The following HDAC9 variants were observed in gnomAD, a reference collection of about 807,000 sequenced individuals.
HDAC9 encodes histone deacetylase 9.
Under a neutral mutation model 139.4 loss-of-function variants are expected in HDAC9, and 41 were observed. The ratio of observed to expected loss-of-function variants is 0.29; its 90% confidence interval spans 0.23 to 0.38. The LOEUF (loss-of-function observed/expected upper bound fraction) is 0.38. HDAC9 is among the 10% of genes least tolerant of loss of function. HDAC9 has a pLI of 1.00. For synonymous variants in HDAC9, 517 were observed against 476.2 expected, an observed-to-expected ratio of 1.09 and a Z score of -1.12; for missense variants, 1,147 against 1,297.0, an observed-to-expected ratio of 0.88 and a Z score of 1.78.
intron 6 of HDAC9, among the ~76,000 whole-genome samples, chr7:18,611,611 A>G (rs1204167832): frequency 6.6e-6 from 1 of 152,134 alleles, no homozygotes; most frequent in East Asian, 1.9e-4. Context: ...TTGTTTCAGA[A>G]TCTGGTCTCT....
At position 18,997,106 on chromosome 7, in the gene HDAC9, A is replaced by C. The variant is rs1296432254; in HGVS notation, c.*1044A>C. On this transcript the variant is annotated 3_prime_UTR_variant, in exon 26 of 26. Coordinates refer to ENST00000686413, the MANE Select transcript of HDAC9 (RefSeq NM_178425.4). ...TATTACTTGAGGGCCTTGACTATTT[A>C]GTTTATTTTGTTTACTTTACAGGTT... 6.6e-6 allele frequency: 1 copy of C among 152,062 alleles called. No homozygotes were observed. Among genetic ancestry groups the C allele is most frequent in the Non-Finnish European group, 1.5e-5 (1 of 68,004 alleles). 9.4% of individuals were successfully genotyped at this position (152,062 alleles called of 1,614,324 possible).
intron 2 of HDAC9, among the ~76,000 whole-genome samples, chr7:18,566,418 G>A (rs991450867): frequency 6.6e-6 from 1 of 152,134 alleles, no homozygotes; most frequent in African/African-American, 2.4e-5. Context: ...TATGTATGGT[G>A]GTTATTGATT....
chr7:18,431,860 T>C (rs1438794735), intron 1 of HDAC9, among the ~76,000 whole-genome samples: 1 of 152,200 alleles, frequency 6.6e-6, no homozygotes, highest in Non-Finnish European at 1.5e-5. Context: ...ATTCAGCATT[T>C]ATTGAGAACT....
chr7:18,240,012 C>T (rs996343831), intron 2 of HDAC9, among the ~76,000 whole-genome samples: 4 of 143,204 alleles, frequency 2.8e-5, no homozygotes, highest in East Asian at 4.1e-4. Context: ...CAGAAAACTT[C>T]GGTGTTTCTA....
At chr7:18,855,258 C>G in intron 21 of HDAC9, among the ~76,000 whole-genome samples, 1 of 152,066 alleles carries the variant, frequency 6.6e-6, no homozygotes, top group East Asian at 1.9e-4. Flanking sequence ...AATATACACC[C>G]CCTAAAGATC....
chr7:18,792,121 G>C (rs1474909923), intron 16 of HDAC9, among the ~76,000 whole-genome samples: 5 of 151,958 alleles, frequency 3.3e-5, no homozygotes, highest in African/African-American at 1.2e-4. Flanking sequence ...GTTCTTGGTA[G>C]TATTTAAGTG....
At chr7:18,730,708 G>C (rs1313984514) in intron 13 of HDAC9, among the ~76,000 whole-genome samples, 2 of 152,196 alleles carry the variant, frequency 1.3e-5, no homozygotes, top group East Asian at 1.9e-4. Context: ...TGGTGGGACA[G>C]AAAACAATCA....
chr7:18,463,700 AT>A (rs1794037687), intron 1 of HDAC9, among the ~76,000 whole-genome samples: 1 of 151,468 alleles, frequency 6.6e-6, no homozygotes, highest in Non-Finnish European at 1.5e-5. Context: ...TTGCTTATTG[AT>A]TTTGTTTTCC....
chr7:18,708,755 C>A lies in HDAC9; in HGVS notation c.1732-18825C>A, dbSNP rs1407978333. Among the ~76,000 whole-genome samples, 6 of 152,152 alleles carry A rather than the reference C, an allele frequency of 3.9e-5. No homozygotes were observed. In the South Asian group the frequency reaches 1.0e-3, roughly 26 times the overall value. Reference sequence around the variant, plus strand: ...AAGAGTGCTTGGTGGAGGGGAGAGGCCTCATTAGCTGATGTCTCTATGGAC... The same window carrying A: ...AAGAGTGCTTGGTGGAGGGGAGAGGACTCATTAGCTGATGTCTCTATGGAC... On this transcript the variant is annotated intron_variant, in intron 12 of 25. Coordinates refer to ENST00000686413, the MANE Select transcript of HDAC9 (RefSeq NM_178425.4).
chr7:18,441,085 G>C (rs183861810), intron 1 of HDAC9, among the ~76,000 whole-genome samples: 1 of 152,180 alleles, frequency 6.6e-6, no homozygotes, highest in African/African-American at 2.4e-5. Context: ...CTATAAAATG[G>C]ATATGATAAT....
At chr7:18,866,409 G>A (rs1024541334) in intron 21 of HDAC9, among the ~76,000 whole-genome samples, 1 of 152,112 alleles carries the variant, frequency 6.6e-6, no homozygotes, top group Non-Finnish European at 1.5e-5. Flanking sequence ...GCCTATAACT[G>A]ATGTCCTAAC....
chr7:18,266,901 G>A (rs1023626306), intron 2 of HDAC9, among the ~76,000 whole-genome samples: 5 of 152,020 alleles, frequency 3.3e-5, no homozygotes. Flanking sequence ...TTATGATGGA[G>A]CCATCCAATT....
intron 1 of HDAC9, among the ~76,000 whole-genome samples, chr7:18,364,950 CTG>C (rs1413504386): frequency 6.6e-6 from 1 of 152,030 alleles, no homozygotes; most frequent in Non-Finnish European, 1.5e-5. Context: ...AAAGTTGAGT[CTG>C]TGTGCAGGTG....
chr7:18,682,330 T>G (rs1781944290), intron 12 of HDAC9, among the ~76,000 whole-genome samples: 1 of 152,046 alleles, frequency 6.6e-6, no homozygotes, highest in South Asian at 2.1e-4. Context: ...AATCATTGTA[T>G]CCATTTTGGG....
intron 1 of HDAC9, among the ~76,000 whole-genome samples, chr7:18,412,767 G>C (rs996021442): frequency 1.3e-5 from 2 of 152,168 alleles, no homozygotes; most frequent in African/African-American, 4.8e-5. Context: ...GTTCAACTGT[G>C]AGGTAAAAAT....
chr7:18,838,573 A>G (rs1796385112), intron 21 of HDAC9, among the ~76,000 whole-genome samples: 1 of 152,082 alleles, frequency 6.6e-6, no homozygotes, highest in Non-Finnish European at 1.5e-5. Context: ...TAGCCCATCT[A>G]TATATGTATA....
chr7:18,301,804 C>G lies in HDAC9; in HGVS notation c.-42+11289C>G, dbSNP rs73682139. On this transcript the variant is annotated intron_variant, in intron 1 of 3. Transcript: ENST00000413509. The stretch of plus-strand genomic sequence containing the variant: ...TAATAATGAGAATGAATGAATGATG[C>G]AGTGGATAAAGGTCTGTCTTGTTAA... 4.1e-3 allele frequency among the ~76,000 whole-genome samples: 626 copies of G among 152,258 alleles called. 6 individuals are homozygous for G. Among genetic ancestry groups the G allele is most frequent in the African/African-American group, 0.014 (591 of 41,552 alleles).
chr7:18,301,908 A>G (rs1483339499), intron 1 of HDAC9, among the ~76,000 whole-genome samples: 2 of 152,178 alleles, frequency 1.3e-5, no homozygotes, highest in Non-Finnish European at 2.9e-5. Context: ...AATTCAAGAA[A>G]ATGGATCTTG....
chr7:18,574,378 G>C (rs760518095), intron 2 of HDAC9, among the ~76,000 whole-genome samples: 6 of 152,234 alleles, frequency 3.9e-5, no homozygotes, highest in Non-Finnish European at 7.3e-5. Flanking sequence ...GCTGAGTCCA[G>C]GGTCGTTATG....
Sources: gnomAD v4.1 joint callset for allele counts (sites outside exome capture counted in the v4.1 genomes callset) on GRCh38, gnomAD v4.1.1 for gene constraint, MANE v1.5 for transcripts, NCBI Gene and HGNC (gene_info 2026-07-23, HGNC 2026-07-21) for gene names.